ARHGAP22: variants seen among roughly 807,000 people sequenced by gnomAD.
ARHGAP22 encodes rho GTPase-activating protein 22.
A neutral mutation model predicts 59.1 loss-of-function variants in ARHGAP22; 48 were observed. That is an observed-to-expected ratio of 0.81 (90% confidence interval 0.64 to 1.03). The LOEUF is 1.03. Among genes scored for constraint, ARHGAP22 ranks in the 50% least tolerant of loss-of-function variants. ARHGAP22 has a pLI of 0.00. For synonymous variants in ARHGAP22, 445 were observed against 416.4 expected, an observed-to-expected ratio of 1.07 and a Z score of -0.84; for missense variants, 1,015 against 958.7, an observed-to-expected ratio of 1.06 and a Z score of -0.78.
At chr10:48,564,151 A>G (rs968698413) in intron 2 of ARHGAP22, among the ~76,000 whole-genome samples, 2 of 152,244 alleles carry the variant, frequency 1.3e-5, no homozygotes, top group Non-Finnish European at 1.5e-5. Flanking sequence ...AATGTCCTGT[A>G]ACCTTGTATT....
At chr10:48,469,588 C>T (rs2048037904) in intron 4 of ARHGAP22, among the ~76,000 whole-genome samples, 1 of 152,170 alleles carries the variant, frequency 6.6e-6, no homozygotes, top group Non-Finnish European at 1.5e-5. Flanking sequence ...GGGTAGAATG[C>T]GCTGAGGCCT....
chr10:48,620,366 A>C (rs1331542967), intron 1 of ARHGAP22, among the ~76,000 whole-genome samples: 1 of 151,990 alleles, frequency 6.6e-6, no homozygotes, highest in African/African-American at 2.4e-5. Flanking sequence ...CATTGGTTGG[A>C]TGGAGAAGCA....
chr10:48,655,181 G>C (rs1423128136), upstream of ARHGAP22, among the ~76,000 whole-genome samples: 1 of 139,664 alleles, frequency 7.2e-6, no homozygotes, highest in African/African-American at 2.7e-5. Context: ...GAACTGGCCC[G>C]TGTGTGCCCG....
chr10:48,554,877 A>T (rs2057185521), intron 3 of ARHGAP22, among the ~76,000 whole-genome samples: 1 of 152,126 alleles, frequency 6.6e-6, no homozygotes, highest in Admixed American at 6.5e-5. Context: ...CTTCTAGGGG[A>T]GGCCAAGCTA....
intron 4 of ARHGAP22, among the ~76,000 whole-genome samples, chr10:48,470,249 G>A (rs1383994917): frequency 1.3e-5 from 2 of 152,260 alleles, no homozygotes; most frequent in African/African-American, 4.8e-5. Context: ...GTGGTTAAAA[G>A]AGTGTTGAAC....
intron 3 of ARHGAP22, among the ~76,000 whole-genome samples, chr10:48,516,035 C>CA (rs1197803665): frequency 4.7e-5 from 7 of 149,698 alleles, no homozygotes; most frequent in African/African-American, 7.3e-5. Context: ...AAACAAAAAA[C>CA]AAAAAAACTA....
intron 9 of ARHGAP22, among the ~76,000 whole-genome samples, chr10:48,449,242 C>T (rs2045657789): frequency 6.6e-6 from 1 of 152,236 alleles, no homozygotes; most frequent in Admixed American, 6.5e-5. Context: ...GATGCTATTT[C>T]CTTTCTCGGC....
At chr10:48,430,875 G>GTA in the ARHGAP22 span, 1 of 359,992 alleles carries the variant, frequency 2.8e-6, no homozygotes, top group African/African-American at 2.2e-5. Context: ...AGAATGGTAT[G>GTA]TGGTATGATG....
intron 4 of ARHGAP22, among the ~76,000 whole-genome samples, chr10:48,467,978 C>T (rs1389568073): frequency 6.6e-6 from 1 of 152,134 alleles, no homozygotes; most frequent in Non-Finnish European, 1.5e-5. Context: ...ACCACAGGGG[C>T]ACAATTTAAG....
chr10:48,473,692 G>C (rs75035299), intron 4 of ARHGAP22, among the ~76,000 whole-genome samples: 8,282 of 152,274 alleles, frequency 0.054, 471 homozygotes, highest in Admixed American at 0.17. Flanking sequence ...GGTGTGCCAG[G>C]TCATGCAGCA....
At chr10:48,563,436 C>T (rs1458065379) in intron 2 of ARHGAP22, among the ~76,000 whole-genome samples, 1 of 152,102 alleles carries the variant, frequency 6.6e-6, no homozygotes, top group African/African-American at 2.4e-5. Context: ...GTGATCCGCC[C>T]GTCTCGGCCT....
chr10:48,591,373 C>T (rs957946167), intron 1 of ARHGAP22, among the ~76,000 whole-genome samples: 1 of 152,188 alleles, frequency 6.6e-6, no homozygotes, highest in Non-Finnish European at 1.5e-5. Context: ...AGAGGAGGAA[C>T]CATTTCACGC....
chr10:48,638,170 C>T (rs1021614733), intron 1 of ARHGAP22, among the ~76,000 whole-genome samples: 2 of 152,184 alleles, frequency 1.3e-5, no homozygotes, highest in Non-Finnish European at 1.5e-5. Flanking sequence ...GTAGCTGCTT[C>T]GTAATGCAAC....
At chr10:48,622,929 T>C (rs1244851412) in intron 1 of ARHGAP22, among the ~76,000 whole-genome samples, 2 of 152,224 alleles carry the variant, frequency 1.3e-5, no homozygotes, top group Non-Finnish European at 2.9e-5. Context: ...GGCAGGCTCC[T>C]CATCACCCAC....
intron 2 of ARHGAP22, among the ~76,000 whole-genome samples, chr10:48,558,050 G>A (rs142859669): frequency 2.2e-3 from 331 of 152,230 alleles, no homozygotes; most frequent in African/African-American, 7.3e-3. Flanking sequence ...TTTAACAATG[G>A]GGTCTCTGAA....
rs1056275624 is a variant in ARHGAP22, at chr10:48,479,847, C to T, written c.323-83G>A. 9 of 1,352,098 alleles carry T rather than the reference C, an allele frequency of 6.7e-6. No homozygotes were observed. The East Asian group carries it at 2.1e-4, about 32-fold the overall frequency. The allele number at this position is 1,352,098 out of a possible 1,614,324, so 83.8% of individuals were successfully genotyped here. A position where few individuals can be genotyped will look rare whatever the true frequency, so the allele number is the denominator to read the frequency against. On this transcript the variant is annotated intron_variant, in intron 3 of 9. Transcript: ENST00000249601. ...CCGCCGGCACTAGTCAGCATTACTC[C>T]CTGTGGGATATTCCCAAAGTCCTTC...
chr10:48,556,153 G>C (rs569013962), intron 2 of ARHGAP22, among the ~76,000 whole-genome samples: 27 of 152,252 alleles, frequency 1.8e-4, no homozygotes, highest in African/African-American at 5.1e-4. Flanking sequence ...GGGCTGAAAG[G>C]TGCAGAAAAA....
At chr10:48,441,732 G>A (rs934780341), downstream of ARHGAP22, among the ~76,000 whole-genome samples, 5 of 152,280 alleles carry the variant, frequency 3.3e-5, no homozygotes, top group South Asian at 1.0e-3. Context: ...GATTACAGGC[G>A]TGAGCCACCG....
intron 9 of ARHGAP22, among the ~76,000 whole-genome samples, chr10:48,447,833 G>A (rs187314797): frequency 1.8e-4 from 27 of 152,230 alleles, no homozygotes; most frequent in Admixed American, 3.3e-4. Context: ...GAACAATGAT[G>A]TCCTCCCCTA....
Sources: allele counts gnomAD v4.1 joint callset (sites outside exome capture counted in the v4.1 genomes callset), GRCh38; gene constraint gnomAD v4.1.1; transcripts MANE v1.5; gene names NCBI Gene and HGNC (gene_info 2026-07-23, HGNC 2026-07-21).